Variants in LARGE1 observed in about 807,000 individuals in gnomAD.
The protein encoded by LARGE1 is LARGE xylosyl- and glucuronyltransferase 1.
A neutral mutation model predicts 87.6 loss-of-function variants in LARGE1; 43 were observed. The observed-to-expected ratio is 0.49, with a 90% confidence interval of 0.38 to 0.63. The LOEUF (loss-of-function observed/expected upper bound fraction) is 0.63. Ranked by LOEUF, LARGE1 falls within the 30% of genes least tolerant of loss-of-function variation. The pLI is 0.00. For missense variants in LARGE1, 802 were observed against 1,000.2 expected, an observed-to-expected ratio of 0.80 and a Z score of 2.67; for synonymous variants, 434 against 394.6, an observed-to-expected ratio of 1.10 and a Z score of -1.18.
intron 6 of LARGE1, among the ~76,000 whole-genome samples, chr22:33,532,749 A>G (rs184249242): frequency 6.6e-6 from 1 of 152,376 alleles, no homozygotes; most frequent in Non-Finnish European, 1.5e-5. Context: ...GCAAGCAAGA[A>G]TTCAGCCCTA....
At chr22:33,648,602 G>A (rs141735144) in intron 3 of LARGE1, among the ~76,000 whole-genome samples, 1 of 152,102 alleles carries the variant, frequency 6.6e-6, no homozygotes, top group Non-Finnish European at 1.5e-5. Context: ...CCCTAAATTA[G>A]GGCCCTCCCC....
intron 5 of LARGE1, among the ~76,000 whole-genome samples, chr22:33,567,144 C>T (rs930860961): frequency 6.6e-5 from 10 of 152,136 alleles, no homozygotes; most frequent in Non-Finnish European, 1.3e-4. Context: ...CATGGGGAAC[C>T]TGTCTCATAG....
chr22:33,622,737 C>T (rs537075537), intron 4 of LARGE1, among the ~76,000 whole-genome samples: 42 of 152,332 alleles, frequency 2.8e-4, no homozygotes, highest in African/African-American at 9.9e-4. Context: ...TCTTCTTTGG[C>T]CTCCTGAACC....
At chr22:33,223,703 T>C (rs1029195239) in intron 11 of LARGE1, among the ~76,000 whole-genome samples, 7 of 152,228 alleles carry the variant, frequency 4.6e-5, no homozygotes, top group African/African-American at 1.7e-4. Context: ...TAGGCTTGCA[T>C]GTCAATGACT....
intron 14 of LARGE1, 106 bp downstream of exon 14, chr22:33,276,954 G>A (rs1326640936): frequency 3.7e-6 from 4 of 1,089,600 alleles, no homozygotes; most frequent in East Asian, 2.4e-5. Context: ...AGCATATCTT[G>A]TTCCCTCTTA....
chr22:33,723,657 G>A (rs919789964), intron 2 of LARGE1, among the ~76,000 whole-genome samples: 2 of 152,164 alleles, frequency 1.3e-5, no homozygotes, highest in Non-Finnish European at 2.9e-5. Flanking sequence ...AATTTGTGGT[G>A]TACCTTAGAG....
At chr22:33,079,222 T>TA in the LARGE1 span, among the ~76,000 whole-genome samples, 1 of 84,846 alleles carries the variant, frequency 1.2e-5, no homozygotes, top group Non-Finnish European at 2.0e-5. Flanking sequence ...GTTATCATTC[T>TA]TTTTTTTTTT....
intron 1 of LARGE1, among the ~76,000 whole-genome samples, chr22:33,887,192 C>T (rs1279859153): frequency 6.6e-6 from 1 of 152,172 alleles, no homozygotes; most frequent in Non-Finnish European, 1.5e-5. Flanking sequence ...AAAATCCTAA[C>T]CCGCAATGTG....
intron 11 of LARGE1, among the ~76,000 whole-genome samples, chr22:33,264,966 G>C (rs1927851784): frequency 2.3e-5 from 3 of 129,916 alleles, no homozygotes; most frequent in South Asian, 2.5e-4. Context: ...CACGATCTCA[G>C]CTGGGCTCAC....
At chr22:33,287,625 C>T (rs1339121417) in intron 12 of LARGE1, among the ~76,000 whole-genome samples, 1 of 152,216 alleles carries the variant, frequency 6.6e-6, no homozygotes, top group Non-Finnish European at 1.5e-5. Context: ...GTTAGTACAT[C>T]TTACCCTGGA....
chr22:33,248,730 T>C (rs1926883358), intron 11 of LARGE1, among the ~76,000 whole-genome samples: 1 of 152,196 alleles, frequency 6.6e-6, no homozygotes, highest in Non-Finnish European at 1.5e-5. Context: ...CAACACTCCC[T>C]CCACAACCCC....
At chr22:33,809,432 C>T (rs970196980) in intron 1 of LARGE1, among the ~76,000 whole-genome samples, 1 of 152,204 alleles carries the variant, frequency 6.6e-6, no homozygotes, top group Non-Finnish European at 1.5e-5. Context: ...AGCACTGGTT[C>T]CCAAAAGCTT....
chr22:33,491,830 G>A (rs931684438), intron 6 of LARGE1, among the ~76,000 whole-genome samples: 5 of 152,180 alleles, frequency 3.3e-5, no homozygotes, highest in Admixed American at 3.3e-4. Context: ...CAGAAAAGAC[G>A]AGGAATTCAA....
At chr22:33,846,483 A>C (rs1474631695) in intron 1 of LARGE1, among the ~76,000 whole-genome samples, 2 of 152,208 alleles carry the variant, frequency 1.3e-5, no homozygotes, top group Non-Finnish European at 1.5e-5. Context: ...GTGTTTGAAC[A>C]ATATGAAATC....
intron 8 of LARGE1, 135 bp downstream of exon 8, chr22:33,384,057 A>T: frequency 1.3e-6 from 1 of 762,784 alleles, no homozygotes; most frequent in Non-Finnish European, 2.4e-6. Flanking sequence ...TGGCAAGAAT[A>T]AGGCAGCTGT....
chr22:33,685,505 T>C (rs1163332017), intron 2 of LARGE1, among the ~76,000 whole-genome samples: 1 of 152,214 alleles, frequency 6.6e-6, no homozygotes, highest in Non-Finnish European at 1.5e-5. Context: ...AATAATGGCA[T>C]CTGAATCAAC....
intron 11 of LARGE1, among the ~76,000 whole-genome samples, chr22:33,196,755 TA>T (rs1201018696): frequency 6.8e-6 from 1 of 147,328 alleles, no homozygotes; most frequent in Non-Finnish European, 1.5e-5. Flanking sequence ...GGAGGAGGAA[TA>T]AAAAAAGTAG....
At chr22:33,812,590 T>C (rs2086530861) in intron 1 of LARGE1, among the ~76,000 whole-genome samples, 1 of 152,214 alleles carries the variant, frequency 6.6e-6, no homozygotes, top group African/African-American at 2.4e-5. Context: ...ATCCGCCGGG[T>C]TGAAGGCACA....
At chr22:33,399,097 C>T (rs112062384) in intron 7 of LARGE1, among the ~76,000 whole-genome samples, 1 of 152,188 alleles carries the variant, frequency 6.6e-6, no homozygotes, top group Non-Finnish European at 1.5e-5. Context: ...TTAAGCCCTT[C>T]AAGCATTAGG....
Sources: gnomAD v4.1 joint callset for allele counts (sites outside exome capture counted in the v4.1 genomes callset) on GRCh38, gnomAD v4.1.1 for gene constraint, MANE v1.5 for transcripts, NCBI Gene and HGNC (gene_info 2026-07-23, HGNC 2026-07-21) for gene names.